The following CRACDL variants were observed in gnomAD, a reference collection of about 807,000 sequenced individuals.
CRACDL encodes CRACD like.
Under a neutral mutation model 70.6 loss-of-function variants are expected in CRACDL, and 26 were observed. The observed-to-expected ratio is 0.37, with a 90% CI of 0.27 to 0.51. The LOEUF (loss-of-function observed/expected upper bound fraction) is 0.51. CRACDL is among the 20% of genes least tolerant of loss of function. The probability of loss-of-function intolerance (pLI) is 0.94; values close to 1 mark genes in which losing one functional copy is unlikely to be tolerated. For missense variants in CRACDL, 1,283 were observed against 1,376.9 expected, an observed-to-expected ratio of 0.93 and a Z score of 1.08; for synonymous variants, 618 against 615.2, an observed-to-expected ratio of 1.00 and a Z score of -0.07.
At chr2:98,881,210 A>G (rs1228569047) in intron 1 of CRACDL, among the ~76,000 whole-genome samples, 1 of 152,196 alleles carries the variant, frequency 6.6e-6, no homozygotes, top group African/African-American at 2.4e-5. Context: ...CTCACCTGCC[A>G]GGGCATGTTC....
At chr2:98,846,439 T>C (rs1010206694) in intron 2 of CRACDL, among the ~76,000 whole-genome samples, 6 of 152,172 alleles carry the variant, frequency 3.9e-5, no homozygotes, top group Admixed American at 1.3e-4. Flanking sequence ...CCTCTTCCTT[T>C]GCATTCAAGT....
chr2:98,797,659 G>C, intron 7 of CRACDL, 122 bp from the exon 8 acceptor site: 1 of 857,170 alleles, frequency 1.2e-6, no homozygotes, highest in Non-Finnish European at 1.8e-6. Flanking sequence ...TCTGGGAGAG[G>C]ATTACTTTCT....
intron 1 of CRACDL, among the ~76,000 whole-genome samples, chr2:98,848,239 T>C (rs1334724181): frequency 1.3e-5 from 2 of 152,184 alleles, no homozygotes; most frequent in East Asian, 1.9e-4. Context: ...AGCAGAATGA[T>C]AGTAGTTCTA....
chr2:98,932,902 G>A (rs1393100561), intron 1 of CRACDL, among the ~76,000 whole-genome samples: 1 of 152,162 alleles, frequency 6.6e-6, no homozygotes, highest in Non-Finnish European at 1.5e-5. Flanking sequence ...ATGCCTTCTG[G>A]GTCTGGGACA....
chr2:98,895,687 T>C (rs1361452400), intron 1 of CRACDL, among the ~76,000 whole-genome samples: 1 of 152,168 alleles, frequency 6.6e-6, no homozygotes, highest in Non-Finnish European at 1.5e-5. Flanking sequence ...GGCAAGATTT[T>C]AGTCAGAGGA....
intron 7 of CRACDL, among the ~76,000 whole-genome samples, chr2:98,802,575 C>A (rs558821185): frequency 6.6e-6 from 1 of 152,242 alleles, no homozygotes; most frequent in African/African-American, 2.4e-5. Flanking sequence ...GGGACAGATT[C>A]GTCTCATCAC....
chr2:98,898,776 G>A (rs1005045471), intron 1 of CRACDL, among the ~76,000 whole-genome samples: 4 of 152,198 alleles, frequency 2.6e-5, no homozygotes, highest in Admixed American at 6.5e-5. Flanking sequence ...CAACAGAGCC[G>A]CCGCCGCTGT....
intron 1 of CRACDL, among the ~76,000 whole-genome samples, chr2:98,898,422 CAGA>C (rs1312262362): frequency 1.3e-5 from 2 of 152,208 alleles, no homozygotes; most frequent in African/African-American, 4.8e-5. Context: ...AGAAATGTCG[CAGA>C]AGTTCAAAAA....
At chr2:98,858,037 A>G (rs1039080019) in intron 1 of CRACDL, among the ~76,000 whole-genome samples, 2 of 152,232 alleles carry the variant, frequency 1.3e-5, no homozygotes, top group East Asian at 3.8e-4. Context: ...TTCATAAATA[A>G]GTGGAAATTA....
intron 7 of CRACDL, among the ~76,000 whole-genome samples, chr2:98,815,478 G>A (rs1160449224): frequency 1.3e-5 from 2 of 152,220 alleles, no homozygotes; most frequent in Non-Finnish European, 2.9e-5. Flanking sequence ...TCTCTGCACT[G>A]TAGCACCTTC....
intron 5 of CRACDL, among the ~76,000 whole-genome samples, chr2:98,831,350 G>A (rs959537327): frequency 4.6e-5 from 7 of 152,232 alleles, no homozygotes; most frequent in Admixed American, 1.3e-4. Flanking sequence ...TGGTGTGGCA[G>A]GGTGTATAGG....
chr2:98,897,696 G>A (rs1298003948), intron 1 of CRACDL, among the ~76,000 whole-genome samples: 1 of 152,206 alleles, frequency 6.6e-6, no homozygotes, highest in East Asian at 1.9e-4. Flanking sequence ...GGGGACTAGA[G>A]GTGCATATAA....
chr2:98,887,095 G>A (rs1359988211), intron 1 of CRACDL, among the ~76,000 whole-genome samples: 1 of 152,074 alleles, frequency 6.6e-6, no homozygotes, highest in Non-Finnish European at 1.5e-5. Context: ...ATCACTAGAG[G>A]GGCTCAATAG....
At chr2:98,824,013 A>G (rs1375550273) in intron 6 of CRACDL, among the ~76,000 whole-genome samples, 1 of 152,188 alleles carries the variant, frequency 6.6e-6, no homozygotes, top group Non-Finnish European at 1.5e-5. Context: ...CTGGGACTCT[A>G]TGGCTCTGTG....
intron 9 of CRACDL, among the ~76,000 whole-genome samples, chr2:98,795,069 A>ATTTTTTTTTT (rs1559194957): frequency 3.5e-5 from 1 of 28,904 alleles, no homozygotes; most frequent in African/African-American, 9.6e-5. Flanking sequence ...ATATATATAT[A>ATTTTTTTTTT]TATATATATT....
chr2:98,848,602 T>C (rs934531105), intron 1 of CRACDL, among the ~76,000 whole-genome samples: 1 of 152,158 alleles, frequency 6.6e-6, no homozygotes, highest in Admixed American at 6.5e-5. Context: ...ATTATCTCAT[T>C]TAATCCCCAA....
Position 98,823,046 on chromosome 2 carries a change from C to CGTAT in CRACDL, c.1226_1227insATAC (p.Asp410TyrfsTer9). 1 of 1,537,174 alleles carries CGTAT rather than the reference C, an allele frequency of 6.5e-7. No homozygotes were observed. Among genetic ancestry groups the CGTAT allele is most frequent in the Non-Finnish European group, 8.8e-7 (1 of 1,140,136 alleles). ...GGTCAGTCTCGGGGGGAGTCGTGTC[C>CGTAT]CCCTCAGGGATGGCGGTGGGAAACG... On this transcript the variant is annotated frameshift_variant, in exon 7 of 10. Transcript: ENST00000397899. LOFTEE classifies it high-confidence loss of function. This position sits in a 1 kb window ranked among gnomAD's most constrained non-coding sequence, Gnocchi z 4.0.
At chr2:98,824,639 A>G (rs1158845006) in intron 6 of CRACDL, among the ~76,000 whole-genome samples, 1 of 152,212 alleles carries the variant, frequency 6.6e-6, no homozygotes, top group Non-Finnish European at 1.5e-5. Context: ...AGAGTCACCC[A>G]GGCTATTGCT....
In CRACDL at chr2:98,904,881, C is replaced by T. The variant is rs1486695488; in HGVS notation, c.-11+31057G>A. ...GGCCTGGTGGGAAGCACTCCGGTCG[C>T]GGGGGCGGATCCCTCCTGAATGCTT... On this transcript the variant is annotated intron_variant, in intron 1 of 9. Transcript: ENST00000397899. Among the ~76,000 whole-genome samples the T allele has an allele frequency of 2.0e-5, 3 of 152,314 alleles. No homozygotes were observed. The East Asian group carries it at 5.8e-4, about 29-fold the overall frequency.
Sources: gnomAD v4.1 joint callset for allele counts (sites outside exome capture counted in the v4.1 genomes callset) on GRCh38, gnomAD v4.1.1 for gene constraint, Gnocchi (gnomAD v3.1) non-coding constraint, MANE v1.5 for transcripts, NCBI Gene and HGNC (gene_info 2026-07-23, HGNC 2026-07-21) for gene names.